Variants in UAP1L1 observed in about 807,000 individuals in gnomAD.
UAP1L1 encodes UDP-N-acetylglucosamine pyrophosphorylase 1 like 1.
Under a neutral mutation model 45.3 loss-of-function variants are expected in UAP1L1, and 45 were observed. That is an observed-to-expected ratio of 0.99 (90% CI 0.78 to 1.27). The LOEUF is 1.27. Among genes scored for constraint, UAP1L1 ranks in the 50% most tolerant of loss-of-function variants. The pLI, the probability that UAP1L1 is intolerant of heterozygous loss-of-function variation, is 0.00. For synonymous variants in UAP1L1, 323 were observed against 303.9 expected (o/e 1.06, Z -0.65); for missense variants, 667 against 694.0 (o/e 0.96, Z 0.44).
intron 2 of UAP1L1, 123 bp from the exon 3 acceptor site, chr9:137,078,379 G>T (rs374118752): frequency 6.3e-6 from 10 of 1,575,736 alleles, no homozygotes; most frequent in Middle Eastern, 1.7e-4. Flanking sequence ...GGCCCAAAAT[G>T]GGGCCTGGCC....
At position 137,078,219 on chromosome 9, in the gene UAP1L1, C is replaced by G. The variant is rs1832724655; in HGVS notation, c.459C>G (p.Ala153=). The change falls in exon 2 of 9, where the codon GCC becomes GCG. Residue 153 remains alanine, a synonymous_variant. Transcript: ENST00000409858. ...AERIRRVEQL[A]GERHGTRCTV... is the part of the protein sequence containing the mutation. ...GGATTCGGCGGGTGGAGCAGCTGGCCGGTGAGCGCCACGGGACCCGCTGCA... is the reference window on the plus strand; with the variant it reads ...GGATTCGGCGGGTGGAGCAGCTGGCGGGTGAGCGCCACGGGACCCGCTGCA... 2.6e-6 allele frequency: 4 copies of G among 1,547,450 alleles called. No individual in the cohort carries two copies. Among genetic ancestry groups the G allele is most frequent in the Non-Finnish European group, 3.5e-6 (4 of 1,146,412 alleles).
rs1832751041 is a variant in UAP1L1 at position 137,079,268 on chromosome 9, G to A, written c.856G>A (p.Ala286Thr). ...ADCGAKVVEKAYPEEPVGVVC... is the reference protein window; with the variant it reads ...ADCGAKVVEKTYPEEPVGVVC... ...GTCTTGGCTGCAGGTGGTGGAAAAG[G>A]CATACCCCGAGGAGCCCGTGGGCGT... Residue 286 changes from alanine to threonine, a missense_variant, in exon 5 of 9, where the codon GCA (alanine) becomes ACA (threonine). Coordinates refer to ENST00000409858, the MANE Select transcript of UAP1L1 (RefSeq NM_207309.3). The A allele has an allele frequency of 6.2e-7, 1 of 1,610,630 alleles. No individual in the cohort carries two copies. Among genetic ancestry groups the A allele is most frequent in the Middle Eastern group, 1.7e-4 (1 of 6,034 alleles).
chr9:137,082,329 G>T lies in UAP1L1; in HGVS notation c.1431+265G>T. The T allele has an allele frequency of 1.7e-6, 1 of 600,764 alleles. No individual in the cohort carries two copies. The highest frequency in any genetic ancestry group is 3.0e-6 in the Non-Finnish European group (1 of 338,714). The allele number at this position is 600,764 out of a possible 1,614,324, so 37.2% of individuals were successfully genotyped here. On this transcript the variant is annotated intron_variant, in intron 8 of 8. Transcript: ENST00000409858. This position sits in a 1 kb window ranked among gnomAD's most constrained non-coding sequence, Gnocchi z 5.7. Reference sequence around the variant, plus strand: ...TGGGGCCAGTCAGGCCTTGGTGGGGGCCTTGCGGAGGGAGGACACCGGCCT... The same window carrying T: ...TGGGGCCAGTCAGGCCTTGGTGGGGTCCTTGCGGAGGGAGGACACCGGCCT...
rs148850175 is a variant in UAP1L1, at chr9:137,079,287, T to C, written c.875T>C (p.Val292Ala). Residue 292 changes from valine (V) to alanine (A), a missense_variant, in exon 5 of 9, where the codon GTG becomes GCG. Coordinates refer to ENST00000409858, the MANE Select transcript of UAP1L1 (RefSeq NM_207309.3). ...GAAAAGGCATACCCCGAGGAGCCCG[T>C]GGGCGTGGTGTGCCAGGTGGACGGT... Reference protein sequence around the residue: ...VVEKAYPEEPVGVVCQVDGVP... With the variant: ...VVEKAYPEEPAGVVCQVDGVP... 1 of 1,611,786 alleles carries C rather than the reference T, an allele frequency of 6.2e-7. No individual in the cohort carries two copies. Among genetic ancestry groups the C allele is most frequent in the Non-Finnish European group, 8.5e-7 (1 of 1,178,982 alleles).
chr9:137,082,226 G>A lies in UAP1L1; in HGVS notation c.1431+162G>A. On this transcript the variant is annotated intron_variant, in intron 8 of 8. Coordinates refer to ENST00000409858, the MANE Select transcript of UAP1L1 (RefSeq NM_207309.3). The surrounding 1 kb of genome is among the most constrained non-coding windows in gnomAD (Gnocchi z 5.7). ...GAAGACTTTCCAAGATATGGGTTGG[G>A]GTGGGGTGAGGCATCCAGAGGCCTT... is the stretch of plus-strand genomic sequence containing the variant. 1 of 711,270 alleles carries A rather than the reference G, an allele frequency of 1.4e-6. No homozygotes were observed. The highest frequency in any genetic ancestry group is 2.4e-6 in the Non-Finnish European group (1 of 409,066). The allele number at this position is 711,270 out of a possible 1,614,324, so 44.1% of individuals were successfully genotyped here. A position where few individuals can be genotyped will look rare whatever the true frequency, so the allele number is the denominator to read the frequency against.
In UAP1L1 at chr9:137,080,467, G is replaced by A. The variant is rs1472196101; in HGVS notation, c.1179-222G>A. ...AGGGCCTTTGGCCCTCACTGCAGGG[G>A]TCCCAGGGTTGGGCCTTCGGCTGCT... On this transcript the variant is annotated intron_variant, in intron 6 of 8. Transcript: ENST00000409858. 3 of 608,958 alleles carry A rather than the reference G, an allele frequency of 4.9e-6. No homozygotes were observed. The East Asian group carries it at 8.6e-5, about 17-fold the overall frequency. The allele number at this position is 608,958 out of a possible 1,614,324, so 37.7% of individuals were successfully genotyped here. A position where few individuals can be genotyped will look rare whatever the true frequency, so the allele number is the denominator to read the frequency against.
Position 137,082,126 on chromosome 9 carries a change from G to C in UAP1L1, c.1431+62G>C, listed in dbSNP as rs1451890356. The C allele has an allele frequency of 1.3e-6, 2 of 1,539,016 alleles. No individual in the cohort carries two copies. Among genetic ancestry groups the C allele is most frequent in the African/African-American group, 2.7e-5 (2 of 73,564 alleles). On this transcript the variant is annotated intron_variant, in intron 8 of 8. Transcript: ENST00000409858. The surrounding 1 kb of genome is among the most constrained non-coding windows in gnomAD (Gnocchi z 5.7). ...TGTCAGGTTTGGAATACCATCTGGG[G>C]AGAGGTGGCTGCTCGGGTGGAGACG... is the stretch of plus-strand genomic sequence containing the variant.
Position 137,082,496 on chromosome 9 carries a change from G to A in UAP1L1, c.1432-141G>A. 1.5e-6 allele frequency: 1 copy of A among 681,478 alleles called. No homozygotes were observed. The highest frequency in any genetic ancestry group is 1.8e-5 in the African/African-American group (1 of 55,722). 42.2% of individuals were successfully genotyped at this position (681,478 alleles called of 1,614,324 possible). A position where few individuals can be genotyped will look rare whatever the true frequency, so the allele number is the denominator to read the frequency against. ...GCAGTGTGTGTCTGCTCCTGGCCCTGGAAGCCTTTCTGTCCCCACCCCTCC... is the reference window on the plus strand; with the variant it reads ...GCAGTGTGTGTCTGCTCCTGGCCCTAGAAGCCTTTCTGTCCCCACCCCTCC... On this transcript the variant is annotated intron_variant, in intron 8 of 8. Coordinates refer to ENST00000409858, the MANE Select transcript of UAP1L1 (RefSeq NM_207309.3). The surrounding 1 kb of genome is among the most constrained non-coding windows in gnomAD (Gnocchi z 5.7).
intron 6 of UAP1L1, 136 bp downstream of exon 6, chr9:137,080,278 A>C: frequency 8.6e-7 from 1 of 1,166,064 alleles, no homozygotes; most frequent in South Asian, 1.4e-5. Context: ...GGAGAAGACC[A>C]GAGGGTGCTC....
chr9:137,078,018 C>G, intron 1 of UAP1L1, 32 bp from the exon 2 acceptor site: 4 of 1,543,484 alleles, frequency 2.6e-6, no homozygotes, highest in Non-Finnish European at 3.5e-6. Flanking sequence ...GGGCGGGTCC[C>G]GGGCGTCCCT....
At position 137,078,547 on chromosome 9, in the gene UAP1L1, C is replaced by T. The variant is rs779186996; in HGVS notation, c.540C>T (p.Phe180=). Reference sequence around the variant, plus strand: ...TCACTCTGGGGCCCACGGCCGAGTTCTTCAGGGAGCACAACTTCTTCCACC... The same window carrying T: ...TCACTCTGGGGCCCACGGCCGAGTTTTTCAGGGAGCACAACTTCTTCCACC... ...SEFTLGPTAE[F]FREHNFFHLD... The change falls in exon 3 of 9, where the codon TTC becomes TTT. Residue 180 remains phenylalanine (F), a synonymous_variant. Coordinates refer to ENST00000409858, the MANE Select transcript of UAP1L1 (RefSeq NM_207309.3). 4 of 1,613,222 alleles carry T rather than the reference C, an allele frequency of 2.5e-6. No individual in the cohort carries two copies. Among genetic ancestry groups the T allele is most frequent in the South Asian group, 1.1e-5 (1 of 91,092 alleles).
intron 7 of UAP1L1, among the ~76,000 whole-genome samples, chr9:137,081,440 C>T (rs189568044): frequency 1.1e-3 from 172 of 151,960 alleles, no homozygotes; most frequent in Non-Finnish European, 2.2e-3. Flanking sequence ...TCTCAAACTC[C>T]TGACCTGTGA....
Position 137,077,869 on chromosome 9 carries a change from G to A in UAP1L1, c.289+48G>A. 1.4e-6 allele frequency: 2 copies of A among 1,436,998 alleles called. No homozygotes were observed. The highest frequency in any genetic ancestry group is 1.5e-5 in the South Asian group (1 of 68,588). 89.0% of individuals were successfully genotyped at this position (1,436,998 alleles called of 1,614,324 possible). On this transcript the variant is annotated intron_variant, in intron 1 of 8. Transcript: ENST00000409858. This position sits in a 1 kb window ranked among gnomAD's most constrained non-coding sequence, Gnocchi z 4.7. ...GGGGCCGGCAGGGGGTCGTGCCCAC[G>A]GAGCGGGTGGGAACCGAGGCCGCGC...
At position 137,077,741 on chromosome 9, in the gene UAP1L1, G is replaced by GCCTGCGGCC; in HGVS notation, c.215_223dup (p.Arg72_Leu74dup). 1 of 1,199,430 alleles carries GCCTGCGGCC rather than the reference G, an allele frequency of 8.3e-7. No homozygotes were observed. Among genetic ancestry groups the GCCTGCGGCC allele is most frequent in the African/African-American group, 1.6e-5 (1 of 63,170 alleles). 74.3% of individuals were successfully genotyped at this position (1,199,430 alleles called of 1,614,324 possible). Reference sequence around the variant, plus strand: ...GGCCCGCCGCCCGACTTGGCCGCGCGCCTGCGGCCCCTGCCCCCAGAGCGC... The same window carrying GCCTGCGGCC: ...GGCCCGCCGCCCGACTTGGCCGCGCGCCTGCGGCCCCTGCGGCCCCTGCCCCCAGAGCGC... On this transcript the variant is annotated inframe_insertion, in exon 1 of 9. Transcript: ENST00000409858. The surrounding 1 kb of genome is among the most constrained non-coding windows in gnomAD (Gnocchi z 4.7).
chr9:137,078,323 G>A (rs1244352514), intron 2 of UAP1L1, 69 bp downstream of exon 2: 1 of 1,518,696 alleles, frequency 6.6e-7, no homozygotes, highest in Non-Finnish European at 8.8e-7. Context: ...CCCCGCTCCA[G>A]ACGCGAGCCC....
At position 137,079,018 on chromosome 9, in the gene UAP1L1, T is replaced by A. The variant is rs779751475; in HGVS notation, c.713T>A (p.Ile238Asn). The A allele has an allele frequency of 6.9e-6, 11 of 1,604,226 alleles. No homozygotes were observed. The highest frequency in any genetic ancestry group is 8.5e-6 in the Non-Finnish European group (10 of 1,177,480). ...GLYCALEDHK[I>N]LEDMERRGVE... is the part of the protein sequence containing the mutation. ...TACTGCGCGCTGGAGGACCACAAGA[T>A]CCTGGAGGACATGGAGCGCCGGGGA... Residue 238 changes from isoleucine to asparagine, a missense_variant, in exon 4 of 9, where the codon ATC becomes AAC. By Grantham distance (149) the Ile-to-Asn change is moderately radical. Transcript: ENST00000409858.
At chr9:137,081,880 G>A in intron 7 of UAP1L1, 118 bp from the exon 8 acceptor site, 1 of 951,094 alleles carries the variant, frequency 1.1e-6, no homozygotes, top group Non-Finnish European at 1.7e-6. Flanking sequence ...AGCTTGCTGA[G>A]ACAGGAGCTG....
intron 6 of UAP1L1, chr9:137,080,397 C>T (rs942585450): frequency 2.5e-5 from 15 of 592,266 alleles, no homozygotes; most frequent in East Asian, 8.7e-5. Context: ...TGCCCCCACC[C>T]ATGGTTAGGA....
At position 137,080,004 on chromosome 9, in the gene UAP1L1, A is replaced by C; in HGVS notation, c.1040A>C (p.Glu347Ala). The C allele has an allele frequency of 1.9e-6, 3 of 1,613,366 alleles. No individual in the cohort carries two copies. The highest frequency in any genetic ancestry group is 2.5e-6 in the Non-Finnish European group (3 of 1,179,882). Residue 347 changes from glutamate to alanine, a missense_variant and splice_region_variant, in exon 6 of 9, where the codon GAG becomes GCG. By Grantham distance (107) the Glu-to-Ala change is moderately radical. Coordinates refer to ENST00000409858, the MANE Select transcript of UAP1L1 (RefSeq NM_207309.3). ...CCCTCTGCTCTCCCGTGCCCCAGGG[A>C]GTTTGAGCCTTTGCTGAAGCCACAC... ...TRGFLKAVTR[E>A]FEPLLKPHVA...
Sources: gnomAD v4.1 joint callset for allele counts (sites outside exome capture counted in the v4.1 genomes callset) on GRCh38, gnomAD v4.1.1 for gene constraint, Gnocchi (gnomAD v3.1) non-coding constraint, MANE v1.5 for transcripts, NCBI Gene and HGNC (gene_info 2026-07-23, HGNC 2026-07-21) for gene names.